The following MTRF1 variants were observed in gnomAD, a reference collection of about 807,000 sequenced individuals.
MTRF1 encodes the protein mitochondrial translation release factor 1, also known as peptide chain release factor 1, mitochondrial.
MTRF1 carries 51 observed loss-of-function variants against 62.9 expected under a neutral mutation model. The ratio of observed to expected loss-of-function variants is 0.81; its 90% CI spans 0.65 to 1.02. The LOEUF (loss-of-function observed/expected upper bound fraction) is 1.02, where lower values mean the gene tolerates loss of function less well. MTRF1 is among the 50% of genes least tolerant of loss of function. The pLI is 0.00. For missense variants in MTRF1, 446 were observed against 530.0 expected, an observed-to-expected ratio of 0.84 and a Z score of 1.56; for synonymous variants, 158 against 181.9, an observed-to-expected ratio of 0.87 and a Z score of 1.06.
At chr13:41,265,516 A>G (rs2040822059), upstream of MTRF1, among the ~76,000 whole-genome samples, 1 of 152,104 alleles carries the variant, frequency 6.6e-6, no homozygotes, top group African/African-American at 2.4e-5. Flanking sequence ...AAATTCATAT[A>G]TTGAAGCCCT....
At chr13:41,283,652 C>G in the MTRF1 span, among the ~76,000 whole-genome samples, 1 of 116,858 alleles carries the variant, frequency 8.6e-6, no homozygotes, top group African/African-American at 3.3e-5. Context: ...TGCAGTGGCG[C>G]GATCTCGGCT....
At chr13:41,266,028 TTAG>T (rs1359354809), upstream of MTRF1, among the ~76,000 whole-genome samples, 1 of 152,116 alleles carries the variant, frequency 6.6e-6, no homozygotes, top group African/African-American at 2.4e-5. Context: ...TTTTGTATTT[TTAG>T]TAGAGATGGG....
the MTRF1 span, among the ~76,000 whole-genome samples, chr13:41,284,781 G>A: frequency 6.6e-6 from 1 of 152,112 alleles, no homozygotes; most frequent in Non-Finnish European, 1.5e-5. Flanking sequence ...AGCCTCCCGA[G>A]TAGCTGGGAT....
At chr13:41,231,715 A>G (rs992624479) in intron 7 of MTRF1, among the ~76,000 whole-genome samples, 1 of 152,106 alleles carries the variant, frequency 6.6e-6, no homozygotes, top group Admixed American at 6.6e-5. Flanking sequence ...ATATGTACAG[A>G]CAGCCAAGAA....
At chr13:41,295,365 C>T in the MTRF1 span, among the ~76,000 whole-genome samples, 1 of 152,190 alleles carries the variant, frequency 6.6e-6, no homozygotes, top group East Asian at 1.9e-4. Flanking sequence ...TGTCCCTACA[C>T]AAGGTACTAG....
At chr13:41,282,696 C>T in the MTRF1 span, among the ~76,000 whole-genome samples, 1 of 152,182 alleles carries the variant, frequency 6.6e-6, no homozygotes, top group Non-Finnish European at 1.5e-5. Context: ...GTGGCTGGAC[C>T]TGAGTTTAGT....
At chr13:41,307,187 G>A in the MTRF1 span, among the ~76,000 whole-genome samples, 2 of 151,136 alleles carry the variant, frequency 1.3e-5, no homozygotes, top group South Asian at 4.2e-4. Flanking sequence ...TTGGATTTGT[G>A]CCCCCCCCAC....
chr13:41,230,198 T>C (rs1374102702), intron 7 of MTRF1, among the ~76,000 whole-genome samples: 1 of 152,138 alleles, frequency 6.6e-6, no homozygotes, highest in East Asian at 1.9e-4. Flanking sequence ...ACCAAAGATA[T>C]ATGCCAACAA....
At chr13:41,297,844 G>A in the MTRF1 span, among the ~76,000 whole-genome samples, 1 of 152,054 alleles carries the variant, frequency 6.6e-6, no homozygotes, top group African/African-American at 2.4e-5. Context: ...CCAAAGTGCT[G>A]GGATTACAGG....
At chr13:41,298,352 G>GT in the MTRF1 span, among the ~76,000 whole-genome samples, 2 of 372 alleles carry the variant, frequency 5.4e-3, no homozygotes, top group Non-Finnish European at 8.1e-3. Flanking sequence ...CGAAGTTTTA[G>GT]TTAAGGAGAG....
chr13:41,304,559 C>G, the MTRF1 span, among the ~76,000 whole-genome samples: 1 of 152,158 alleles, frequency 6.6e-6, no homozygotes, highest in African/African-American at 2.4e-5. Context: ...TTCCAATGAA[C>G]AGTTTGCAAA....
At chr13:41,257,441 G>A (rs529137684) in intron 2 of MTRF1, among the ~76,000 whole-genome samples, 1 of 152,308 alleles carries the variant, frequency 6.6e-6, no homozygotes, top group East Asian at 1.9e-4. Flanking sequence ...AGACCCTGCT[G>A]GACTTTGAAT....
chr13:41,251,717 T>G (rs371267279), intron 5 of MTRF1, among the ~76,000 whole-genome samples: 2 of 152,196 alleles, frequency 1.3e-5, no homozygotes, highest in South Asian at 2.1e-4. Context: ...TTGTGGTTTA[T>G]TACTGATGAC....
chr13:41,260,463 A>G, intron 2 of MTRF1, 30 bp downstream of exon 2: 1 of 1,578,488 alleles, frequency 6.3e-7, no homozygotes, highest in Non-Finnish European at 8.6e-7. Context: ...CATAGCCCTT[A>G]TGCAGGACAC....
the MTRF1 span, among the ~76,000 whole-genome samples, chr13:41,307,686 C>T: frequency 3.3e-5 from 5 of 152,032 alleles, no homozygotes; most frequent in Non-Finnish European, 1.5e-5. Context: ...TAGGATGTGC[C>T]TGCTTCCCGT....
the MTRF1 span, among the ~76,000 whole-genome samples, chr13:41,310,664 C>T: frequency 2.0e-5 from 3 of 152,172 alleles, no homozygotes; most frequent in Non-Finnish European, 2.9e-5. Flanking sequence ...GAGCGATACT[C>T]CATCTCAAAA....
At chr13:41,268,369 T>G (rs140625911), upstream of MTRF1, among the ~76,000 whole-genome samples, 51 of 152,280 alleles carry the variant, frequency 3.3e-4, no homozygotes, top group African/African-American at 8.9e-4. Flanking sequence ...TATAATTTGA[T>G]TTTAGAAAGT....
At chr13:41,280,359 G>A in the MTRF1 span, among the ~76,000 whole-genome samples, 1 of 152,194 alleles carries the variant, frequency 6.6e-6, no homozygotes, top group African/African-American at 2.4e-5. Flanking sequence ...CCGGCTTAGA[G>A]TTGTCCTGCC....
chr13:41,297,777 A>G, the MTRF1 span, among the ~76,000 whole-genome samples: 2 of 151,828 alleles, frequency 1.3e-5, no homozygotes, highest in Non-Finnish European at 2.9e-5. Flanking sequence ...GGGTTTCACC[A>G]TGTTGGCCAG....
Sources: allele counts gnomAD v4.1 joint callset (sites outside exome capture counted in the v4.1 genomes callset), GRCh38; gene constraint gnomAD v4.1.1; transcripts MANE v1.5; gene names NCBI Gene and HGNC (gene_info 2026-07-23, HGNC 2026-07-21).